MSRA: variants seen among roughly 807,000 people sequenced by gnomAD.
MSRA encodes the protein methionine sulfoxide reductase A.
A neutral mutation model predicts 31.3 loss-of-function variants in MSRA; 54 were observed. That is an observed-to-expected ratio of 1.73 (90% CI 1.39 to 2.17). The LOEUF (loss-of-function observed/expected upper bound fraction) is 2.17, where lower values mean the gene tolerates loss of function less well. Among genes scored for constraint, MSRA ranks in the 30% most tolerant of loss-of-function variants. The probability of loss-of-function intolerance (pLI) is 0.00; values close to 1 mark genes in which losing one functional copy is unlikely to be tolerated. For missense variants in MSRA, 507 were observed against 300.9 expected, an observed-to-expected ratio of 1.69 and a Z score of -5.07; for synonymous variants, 169 against 116.5, an observed-to-expected ratio of 1.45 and a Z score of -2.90.
intron 1 of MSRA, among the ~76,000 whole-genome samples, chr8:10,095,171 G>A (rs115291037): frequency 1.3e-5 from 2 of 152,340 alleles, no homozygotes; most frequent in African/African-American, 4.8e-5. Context: ...AATACAGTAT[G>A]TGGTGCTTAT....
chr8:10,400,361 C>G (rs901226224), intron 5 of MSRA, among the ~76,000 whole-genome samples: 3 of 148,004 alleles, frequency 2.0e-5, no homozygotes, highest in Non-Finnish European at 3.0e-5. Context: ...TATTCAGGCT[C>G]TGTGTGTGTG....
chr8:10,054,782 G>T, intron 1 of MSRA, 124 bp downstream of exon 1: 1 of 1,157,486 alleles, frequency 8.6e-7, no homozygotes, highest in Non-Finnish European at 1.1e-6. Context: ...CGCGGGGTGG[G>T]GGTCTGCGCA....
intron 5 of MSRA, among the ~76,000 whole-genome samples, chr8:10,388,362 T>C (rs1006991552): frequency 1.3e-5 from 2 of 152,204 alleles, no homozygotes; most frequent in African/African-American, 4.8e-5. Flanking sequence ...AGGGAGATGC[T>C]CTTAGAAGGG....
intron 2 of MSRA, among the ~76,000 whole-genome samples, chr8:10,211,654 A>G (rs1809508294): frequency 1.3e-5 from 2 of 152,094 alleles, no homozygotes; most frequent in Non-Finnish European, 2.9e-5. Flanking sequence ...GTGCTCCTTT[A>G]TAGGCAGACA....
intron 1 of MSRA, among the ~76,000 whole-genome samples, chr8:10,077,045 T>A (rs1432622678): frequency 7.2e-6 from 1 of 139,094 alleles, no homozygotes; most frequent in African/African-American, 2.7e-5. Flanking sequence ...CCTCAGAACT[T>A]AAAAAAAAAA....
intron 5 of MSRA, among the ~76,000 whole-genome samples, chr8:10,382,081 T>G (rs1806102369): frequency 6.6e-6 from 1 of 152,210 alleles, no homozygotes; most frequent in Admixed American, 6.5e-5. Context: ...CCCAGTGAAG[T>G]TAAGTGGCTT....
chr8:10,251,834 C>T (rs904910280), intron 3 of MSRA, among the ~76,000 whole-genome samples: 3 of 150,168 alleles, frequency 2.0e-5, no homozygotes, highest in South Asian at 4.2e-4. Context: ...TCTCTACCAT[C>T]GGCACCCCTC....
At chr8:10,141,486 C>A (rs918720794) in intron 1 of MSRA, among the ~76,000 whole-genome samples, 2 of 152,220 alleles carry the variant, frequency 1.3e-5, no homozygotes, top group Non-Finnish European at 2.9e-5. Context: ...CCTGCTTCAT[C>A]TAACCACTAG....
intron 1 of MSRA, among the ~76,000 whole-genome samples, chr8:10,125,963 T>A (rs1801467813): frequency 6.6e-6 from 1 of 152,196 alleles, no homozygotes; most frequent in African/African-American, 2.4e-5. Flanking sequence ...GATTTGAGAT[T>A]AATCAAAGGC....
chr8:10,396,258 G>A (rs1461840535), intron 5 of MSRA, among the ~76,000 whole-genome samples: 1 of 152,154 alleles, frequency 6.6e-6, no homozygotes, highest in Non-Finnish European at 1.5e-5. Context: ...CCGTTCTCAG[G>A]TGCACTGTCT....
intron 1 of MSRA, among the ~76,000 whole-genome samples, chr8:10,103,547 G>C (rs1799673060): frequency 6.6e-6 from 1 of 152,136 alleles, no homozygotes; most frequent in African/African-American, 2.4e-5. Context: ...AATATTAAGT[G>C]AGATAATGTG....
chr8:10,303,762 A>G (rs1244772745), intron 4 of MSRA, among the ~76,000 whole-genome samples: 3 of 152,160 alleles, frequency 2.0e-5, no homozygotes, highest in African/African-American at 4.8e-5. Context: ...GGGTAGGGCG[A>G]GAGATCCTCC....
intron 1 of MSRA, among the ~76,000 whole-genome samples, chr8:10,068,671 C>T (rs946980531): frequency 1.8e-4 from 27 of 152,192 alleles, no homozygotes; most frequent in African/African-American, 6.3e-4. Flanking sequence ...TCAGAATAGA[C>T]AAATGTCTTT....
intron 4 of MSRA, among the ~76,000 whole-genome samples, chr8:10,318,717 C>G (rs1801867803): frequency 6.6e-6 from 1 of 152,134 alleles, no homozygotes; most frequent in South Asian, 2.1e-4. Context: ...CTAGCCGTTC[C>G]TGGATGTTGG....
intron 1 of MSRA, among the ~76,000 whole-genome samples, chr8:10,176,726 G>A (rs1806084371): frequency 6.6e-6 from 1 of 152,190 alleles, no homozygotes; most frequent in Admixed American, 6.5e-5. Context: ...GAAGTGAACT[G>A]GTTTACACAG....
rs544046802 is a variant in MSRA, at chr8:10,239,614, G to A, written c.212-5490G>A. 3.9e-5 allele frequency among the ~76,000 whole-genome samples: 6 copies of A among 152,346 alleles called. No individual in the cohort carries two copies. The South Asian group carries it at 8.3e-4, about 21-fold the overall frequency. On this transcript the variant is annotated intron_variant, in intron 2 of 5. Transcript: ENST00000317173. Reference sequence around the variant, plus strand: ...CTTTTGCCTACTTGTCCCTGTAGCAGTGATCCCAGAGTGCCCAGGCAATAG... The same window carrying A: ...CTTTTGCCTACTTGTCCCTGTAGCAATGATCCCAGAGTGCCCAGGCAATAG...
At chr8:10,315,494 G>A (rs778340455) in intron 4 of MSRA, among the ~76,000 whole-genome samples, 17 of 152,184 alleles carry the variant, frequency 1.1e-4, no homozygotes, top group Non-Finnish European at 2.1e-4. Flanking sequence ...ACACTTAACT[G>A]TGCGTATCTA....
At chr8:10,315,010 T>C (rs1240015327) in intron 4 of MSRA, among the ~76,000 whole-genome samples, 1 of 152,192 alleles carries the variant, frequency 6.6e-6, no homozygotes. Context: ...TTCACAATTA[T>C]GACCAAAGGC....
At chr8:10,334,498 G>A (rs76742994) in intron 5 of MSRA, among the ~76,000 whole-genome samples, 2,768 of 152,134 alleles carry the variant, frequency 0.018, 86 homozygotes, top group African/African-American at 0.063. Context: ...AGGGTTTGCC[G>A]TTTCCTACAG....
Sources: allele counts gnomAD v4.1 joint callset (sites outside exome capture counted in the v4.1 genomes callset), GRCh38; gene constraint gnomAD v4.1.1; transcripts MANE v1.5; gene names NCBI Gene and HGNC (gene_info 2026-07-23, HGNC 2026-07-21).